MEI4: variants seen among roughly 807,000 people sequenced by gnomAD.
MEI4 encodes meiotic double-stranded break formation protein 4, also known as meiosis-specific protein MEI4.
Under a neutral mutation model 31.4 loss-of-function variants are expected in MEI4, and 27 were observed. The ratio of observed to expected loss-of-function variants is 0.86; its 90% confidence interval spans 0.63 to 1.19. MEI4 has a LOEUF of 1.19. MEI4 is among the 50% of genes most tolerant of loss of function. MEI4 has a pLI of 0.00. For missense variants in MEI4, 329 were observed against 398.9 expected, an observed-to-expected ratio of 0.82 and a Z score of 1.49; for synonymous variants, 122 against 145.4, an observed-to-expected ratio of 0.84 and a Z score of 1.16.
chr6:77,683,369 T>G (rs917894477), intron 1 of MEI4, among the ~76,000 whole-genome samples: 23 of 152,178 alleles, frequency 1.5e-4, no homozygotes, highest in African/African-American at 5.5e-4. Context: ...GTCAAGCCAG[T>G]TAACATGGCA....
chr6:77,851,376 G>A (rs1218630905), intron 4 of MEI4, among the ~76,000 whole-genome samples: 1 of 151,994 alleles, frequency 6.6e-6, no homozygotes, highest in Non-Finnish European at 1.5e-5. Context: ...CAAAGTCTTG[G>A]AACCACCCCA....
At chr6:77,745,986 T>A (rs1344216783) in intron 2 of MEI4, among the ~76,000 whole-genome samples, 3 of 151,542 alleles carry the variant, frequency 2.0e-5, no homozygotes, top group Non-Finnish European at 4.4e-5. Flanking sequence ...TAGAGGGAAA[T>A]TTATAACACT....
At chr6:77,681,771 G>C (rs1171227938) in intron 1 of MEI4, among the ~76,000 whole-genome samples, 1 of 152,120 alleles carries the variant, frequency 6.6e-6, no homozygotes, top group Non-Finnish European at 1.5e-5. Flanking sequence ...ATGATAGATA[G>C]TTGATTTGTT....
chr6:77,923,157 T>G lies in MEI4; in HGVS notation c.969T>G (p.Leu323=). The G allele has an allele frequency of 4.1e-6, 5 of 1,230,688 alleles. No individual in the cohort carries two copies. Among genetic ancestry groups the G allele is most frequent in the Non-Finnish European group, 5.1e-6 (5 of 986,950 alleles). 76.2% of individuals were successfully genotyped at this position (1,230,688 alleles called of 1,614,324 possible). A position where few individuals can be genotyped will look rare whatever the true frequency, so the allele number is the denominator to read the frequency against. Reference sequence around the variant, plus strand: ...ACCTGTTCTGGGTTCTGGAGCAGCTTCTTCAAAAGGAAACCGAAGAAGGCA... The same window carrying G: ...ACCTGTTCTGGGTTCTGGAGCAGCTGCTTCAAAAGGAAACCGAAGAAGGCA... ...IFYLFWVLEQ[L]LQKETEEGNT... Residue 323 remains leucine, a synonymous_variant, in exon 5 of 5, where the codon CTT becomes CTG. Transcript: ENST00000684080.
intron 2 of MEI4, among the ~76,000 whole-genome samples, chr6:77,731,939 C>G (rs7452604): frequency 0.81 from 119,002 of 147,366 alleles, 48,406 homozygotes; most frequent in East Asian, 0.95. Context: ...GATAGTTGTA[C>G]ATATGCGGCA....
chr6:77,885,767 C>A (rs954047146), intron 4 of MEI4, among the ~76,000 whole-genome samples: 1 of 152,100 alleles, frequency 6.6e-6, no homozygotes, highest in African/African-American at 2.4e-5. Flanking sequence ...GAAAGGTTTT[C>A]AGCTTCTCCC....
chr6:77,788,490 A>T (rs924545753), intron 3 of MEI4, among the ~76,000 whole-genome samples: 1 of 152,210 alleles, frequency 6.6e-6, no homozygotes, highest in Non-Finnish European at 1.5e-5. Context: ...ACTTGATTGT[A>T]TATCTAGAAA....
At chr6:77,686,026 C>G (rs2127650931) in intron 1 of MEI4, among the ~76,000 whole-genome samples, 1 of 152,152 alleles carries the variant, frequency 6.6e-6, no homozygotes, top group African/African-American at 2.4e-5. Flanking sequence ...AACCATTTCA[C>G]TTGAGATCTG....
At chr6:77,915,543 C>T (rs1304226968) in intron 4 of MEI4, among the ~76,000 whole-genome samples, 1 of 151,926 alleles carries the variant, frequency 6.6e-6, no homozygotes, top group East Asian at 1.9e-4. Flanking sequence ...ATGGGCTTTT[C>T]TCTTGCTATT....
At chr6:77,705,141 T>A (rs1766304150) in intron 2 of MEI4, among the ~76,000 whole-genome samples, 1 of 152,154 alleles carries the variant, frequency 6.6e-6, no homozygotes, top group Non-Finnish European at 1.5e-5. Flanking sequence ...AATTGGGTGT[T>A]GTTGATTCTT....
In MEI4 at chr6:77,923,949, ATTAATTAG is replaced by A. The variant is rs1235751557; in HGVS notation, c.*606_*613del. ...TTTGTCGAGCTCTTTTGAAAATACT[ATTAATTAG>A]TTGTTTAAAATGTTCTTTGTTTTTC... On this transcript the variant is annotated 3_prime_UTR_variant, in exon 5 of 5. Transcript: ENST00000684080. 7.8e-5 allele frequency: 1 copy of A among 12,834 alleles called. No homozygotes were observed. Among genetic ancestry groups the A allele is most frequent in the Non-Finnish European group, 1.2e-4 (1 of 8,008 alleles). 0.8% of individuals were successfully genotyped at this position (12,834 alleles called of 1,614,324 possible).
chr6:77,681,279 G>A (rs1019450502), intron 1 of MEI4, among the ~76,000 whole-genome samples: 1 of 152,098 alleles, frequency 6.6e-6, no homozygotes, highest in East Asian at 1.9e-4. Context: ...GCCTTATAAA[G>A]ATTCCAAATT....
intron 1 of MEI4, among the ~76,000 whole-genome samples, chr6:77,680,128 A>AAAAAAAAAAAAAAAAAAAAAAAAAAC (rs1247876878): frequency 8.7e-6 from 1 of 115,508 alleles, no homozygotes; most frequent in Non-Finnish European, 1.9e-5. Context: ...AAAAAAAAAA[A>AAAAAAAAAAAAAAAAAAAAAAAAAAC]ATTAGCTGGG....
At chr6:77,756,685 T>A (rs183004299) in intron 2 of MEI4, among the ~76,000 whole-genome samples, 17 of 150,684 alleles carry the variant, frequency 1.1e-4, no homozygotes, top group African/African-American at 3.6e-4. Flanking sequence ...CGCCGCCTTC[T>A]CCTTCTCTCT....
In MEI4 at chr6:77,699,061, G is replaced by A. The variant is rs1443982361; in HGVS notation, c.232+8158G>A. Reference sequence around the variant, plus strand: ...ACCCTTTCTTCCAGTTGATCGCATCGGCTCCTGAGGCTTCTGCATTCTTCA... The same window carrying A: ...ACCCTTTCTTCCAGTTGATCGCATCAGCTCCTGAGGCTTCTGCATTCTTCA... On this transcript the variant is annotated intron_variant, in intron 2 of 4. Transcript: ENST00000684080. 4.6e-5 allele frequency among the ~76,000 whole-genome samples: 7 copies of A among 151,920 alleles called. No individual in the cohort carries two copies. In the East Asian group the frequency reaches 5.8e-4, roughly 13 times the overall value.
intron 2 of MEI4, among the ~76,000 whole-genome samples, chr6:77,752,581 A>G (rs1442002144): frequency 6.6e-6 from 1 of 152,234 alleles, no homozygotes; most frequent in Non-Finnish European, 1.5e-5. Flanking sequence ...AAGGAGAACT[A>G]CAAACCACTG....
chr6:77,780,452 G>A (rs533217459), intron 3 of MEI4, among the ~76,000 whole-genome samples: 1 of 152,246 alleles, frequency 6.6e-6, no homozygotes, highest in South Asian at 2.1e-4. Flanking sequence ...TGCCACAACT[G>A]TTTCTGTGAG....
At chr6:77,673,426 A>T (rs978170386) in intron 1 of MEI4, among the ~76,000 whole-genome samples, 1 of 152,218 alleles carries the variant, frequency 6.6e-6, no homozygotes, top group Admixed American at 6.5e-5. Flanking sequence ...TGAGATGCAG[A>T]GATTGCTCTG....
chr6:77,703,269 C>T (rs1766262638), intron 2 of MEI4, among the ~76,000 whole-genome samples: 1 of 152,174 alleles, frequency 6.6e-6, no homozygotes, highest in Admixed American at 6.5e-5. Context: ...GCCCCTGTAA[C>T]AGTGGAAGTA....
Sources: allele counts gnomAD v4.1 joint callset (sites outside exome capture counted in the v4.1 genomes callset), GRCh38; gene constraint gnomAD v4.1.1; transcripts MANE v1.5; gene names NCBI Gene and HGNC (gene_info 2026-07-23, HGNC 2026-07-21).